Variants in ADAMTS12 observed in about 807,000 individuals in gnomAD.
ADAMTS12 encodes A disintegrin and metalloproteinase with thrombospondin motifs 12.
ADAMTS12 carries 118 observed loss-of-function variants against 167.8 expected under a neutral mutation model. The observed-to-expected ratio is 0.70, with a 90% CI of 0.61 to 0.82. The LOEUF is 0.82. Ranked by LOEUF, ADAMTS12 falls within the 40% of genes least tolerant of loss-of-function variation. The pLI, the probability that ADAMTS12 is intolerant of heterozygous loss-of-function variation, is 0.00. For synonymous variants in ADAMTS12, 704 were observed against 716.9 expected (o/e 0.98, Z 0.29); for missense variants, 1,916 against 1,998.8 (o/e 0.96, Z 0.79).
intron 2 of ADAMTS12, among the ~76,000 whole-genome samples, chr5:33,764,916 C>T (rs1028980594): frequency 6.6e-6 from 1 of 151,716 alleles, no homozygotes; most frequent in Non-Finnish European, 1.5e-5. Context: ...ATCCAAGATG[C>T]CTACAAACAG....
intron 2 of ADAMTS12, among the ~76,000 whole-genome samples, chr5:33,777,864 AT>A (rs1404172294): frequency 6.6e-6 from 1 of 152,016 alleles, no homozygotes; most frequent in African/African-American, 2.4e-5. Context: ...AATTAGTAAG[AT>A]TTTTTTATAT....
At chr5:33,812,899 T>C (rs1747513283) in intron 2 of ADAMTS12, among the ~76,000 whole-genome samples, 1 of 152,220 alleles carries the variant, frequency 6.6e-6, no homozygotes, top group Non-Finnish European at 1.5e-5. Flanking sequence ...TATATACATA[T>C]GTCTAATGCA....
chr5:33,643,530 G>C, intron 9 of ADAMTS12, 60 bp from the exon 10 acceptor site: 4 of 1,503,554 alleles, frequency 2.7e-6, no homozygotes, highest in Non-Finnish European at 3.7e-6. Context: ...CATTTCTATA[G>C]TTACAGTAAA....
chr5:33,771,494 C>T (rs1177680168), intron 2 of ADAMTS12, among the ~76,000 whole-genome samples: 5 of 151,984 alleles, frequency 3.3e-5, no homozygotes, highest in Admixed American at 2.0e-4. Flanking sequence ...GGTTTTTCTT[C>T]TTTTTTATTT....
chr5:33,837,360 G>A (rs1001376534), intron 2 of ADAMTS12, among the ~76,000 whole-genome samples: 4 of 152,236 alleles, frequency 2.6e-5, no homozygotes, highest in Non-Finnish European at 5.9e-5. Flanking sequence ...GTGGAGATGG[G>A]TCGGTTACTA....
intron 5 of ADAMTS12, among the ~76,000 whole-genome samples, chr5:33,676,707 C>CACACACACACAG (rs879440613): frequency 4.0e-4 from 60 of 149,122 alleles, no homozygotes; most frequent in African/African-American, 1.5e-3. Context: ...CACACACACA[C>CACACACACACAG]AGAGAGAGAG....
chr5:33,605,422 G>A lies in ADAMTS12; in HGVS notation c.2527+8816C>T, dbSNP rs543790340. Among the ~76,000 whole-genome samples the A allele has an allele frequency of 9.9e-5, 15 of 152,270 alleles. No homozygotes were observed. In the South Asian group the frequency reaches 3.1e-3, roughly 32 times the overall value. ...AAAAAAGATATAATTTCTATTAGTTGAGCATAATAAATTGTAAAAATGGAA... is the reference window on the plus strand; with the variant it reads ...AAAAAAGATATAATTTCTATTAGTTAAGCATAATAAATTGTAAAAATGGAA... On this transcript the variant is annotated intron_variant, in intron 16 of 23. Coordinates refer to ENST00000504830, the MANE Select transcript of ADAMTS12 (RefSeq NM_030955.4).
intron 16 of ADAMTS12, among the ~76,000 whole-genome samples, chr5:33,609,075 G>T (rs1374016108): frequency 6.6e-6 from 1 of 152,076 alleles, no homozygotes; most frequent in Non-Finnish European, 1.5e-5. Context: ...TTAAAATAAG[G>T]TATTAAAATA....
chr5:33,809,556 C>G lies in ADAMTS12; in HGVS notation c.490-58008G>C, dbSNP rs73762805. Among the ~76,000 whole-genome samples the G allele has an allele frequency of 6.2e-3, 949 of 152,226 alleles. 10 individuals are homozygous for G. The highest frequency in any genetic ancestry group is 0.022 in the African/African-American group (905 of 41,518). Reference sequence around the variant, plus strand: ...TGTTTATTTATTCGACTTGGGATGACTTCTTCAATCTGAGGATTGAGCCTC... The same window carrying G: ...TGTTTATTTATTCGACTTGGGATGAGTTCTTCAATCTGAGGATTGAGCCTC... On this transcript the variant is annotated intron_variant, in intron 2 of 23. Transcript: ENST00000504830.
intron 2 of ADAMTS12, among the ~76,000 whole-genome samples, chr5:33,768,476 A>G (rs1177994293): frequency 2.0e-5 from 3 of 152,220 alleles, no homozygotes; most frequent in African/African-American, 7.2e-5. Flanking sequence ...ATTTGCAAGG[A>G]TATTAGTTTT....
intron 17 of ADAMTS12, among the ~76,000 whole-genome samples, chr5:33,595,593 G>T (rs1278140500): frequency 6.6e-6 from 1 of 152,218 alleles, no homozygotes; most frequent in Non-Finnish European, 1.5e-5. Flanking sequence ...CTGAAGGCTG[G>T]TGTTGCACTG....
intron 16 of ADAMTS12, among the ~76,000 whole-genome samples, chr5:33,599,924 G>A (rs1738105746): frequency 6.6e-6 from 1 of 152,170 alleles, no homozygotes; most frequent in African/African-American, 2.4e-5. Context: ...ATTCAGCTAA[G>A]TCTATGTGAC....
At chr5:33,641,260 T>A (rs1740430738) in intron 11 of ADAMTS12, among the ~76,000 whole-genome samples, 1 of 152,172 alleles carries the variant, frequency 6.6e-6, no homozygotes, top group African/African-American at 2.4e-5. Flanking sequence ...TAAAATAACA[T>A]TTGCAGAATC....
At chr5:33,788,019 C>T (rs372346482) in intron 2 of ADAMTS12, among the ~76,000 whole-genome samples, 1 of 152,162 alleles carries the variant, frequency 6.6e-6, no homozygotes, top group East Asian at 1.9e-4. Flanking sequence ...CTTAGCCACC[C>T]ACCATAATGA....
rs556509327 is a variant in ADAMTS12, at chr5:33,771,812, C to T, written c.490-20264G>A. 2.0e-5 allele frequency among the ~76,000 whole-genome samples: 3 copies of T among 150,586 alleles called. No individual in the cohort carries two copies. In the East Asian group the frequency reaches 5.9e-4, roughly 29 times the overall value. ...TGCGTACTTGATGTCCTTTGTGGTC[C>T]CCTCATCCTTTTTCTTTCTTTCTTT... is the stretch of plus-strand genomic sequence containing the variant. On this transcript the variant is annotated intron_variant, in intron 2 of 23. Coordinates refer to ENST00000504830, the MANE Select transcript of ADAMTS12 (RefSeq NM_030955.4).
At position 33,614,308 on chromosome 5, in the gene ADAMTS12, A is replaced by G; in HGVS notation, c.2457T>C (p.Asn819=). 1 of 1,614,030 alleles carries G rather than the reference A, an allele frequency of 6.2e-7. No homozygotes were observed. The highest frequency in any genetic ancestry group is 8.5e-7 in the Non-Finnish European group (1 of 1,179,978). The part of the protein sequence containing the change: ...EYTIQKDGLD[N]DVEQQMYFWQ... ...AGAAGTACATCTGCTGCTCAACATC[A>G]TTGTCAAGGCCATCTTTCTGGATTG... The change falls in exon 16 of 24, where the codon AAT becomes AAC. Residue 819 remains asparagine (N), a synonymous_variant. Transcript: ENST00000504830.
At chr5:33,781,903 C>A (rs928888419) in intron 2 of ADAMTS12, among the ~76,000 whole-genome samples, 1 of 149,624 alleles carries the variant, frequency 6.7e-6, no homozygotes, top group Non-Finnish European at 1.5e-5. Flanking sequence ...CATGTGTTCT[C>A]ATTGTTCAAT....
chr5:33,751,380 A>C (rs1437712649), intron 3 of ADAMTS12, 24 bp downstream of exon 3: 2 of 1,614,158 alleles, frequency 1.2e-6, no homozygotes, highest in Admixed American at 1.7e-5. Flanking sequence ...TCTTCAACCC[A>C]GGAGGACATG....
At chr5:33,630,578 C>T (rs62351149) in intron 13 of ADAMTS12, among the ~76,000 whole-genome samples, 1,527 of 152,144 alleles carry the variant, frequency 0.01, 9 homozygotes, top group Non-Finnish European at 0.017. Flanking sequence ...ATGAAGATGA[C>T]GGCAGAAGGA....
Sources: gnomAD v4.1 joint callset for allele counts (sites outside exome capture counted in the v4.1 genomes callset) on GRCh38, gnomAD v4.1.1 for gene constraint, MANE v1.5 for transcripts, NCBI Gene and HGNC (gene_info 2026-07-23, HGNC 2026-07-21) for gene names.